PKIA: variants seen among roughly 807,000 people sequenced by gnomAD.
The protein encoded by PKIA is PKI-alpha.
Under a neutral mutation model 7.6 loss-of-function variants are expected in PKIA, and 4 were observed. The observed-to-expected ratio is 0.52, with a 90% CI of 0.26 to 1.20. The LOEUF is 1.20. PKIA is among the 50% of genes most tolerant of loss of function. The pLI is 0.13. For synonymous variants in PKIA, 21 were observed against 30.7 expected (o/e 0.68, Z 1.04); for missense variants, 73 against 86.2 (o/e 0.85, Z 0.61).
intron 1 of PKIA, among the ~76,000 whole-genome samples, chr8:78,518,856 A>C (rs1277378679): frequency 1.3e-5 from 2 of 152,208 alleles, no homozygotes; most frequent in African/African-American, 4.8e-5. Context: ...ACAACTGAGG[A>C]AGATAATCAA....
chr8:78,599,465 T>A (rs1029960128), intron 3 of PKIA, among the ~76,000 whole-genome samples: 13 of 152,094 alleles, frequency 8.5e-5, no homozygotes, highest in African/African-American at 3.1e-4. Context: ...ATATATAGAT[T>A]AATGAAATGG....
chr8:78,592,781 G>A (rs1808132595), intron 2 of PKIA, among the ~76,000 whole-genome samples: 1 of 152,048 alleles, frequency 6.6e-6, no homozygotes, highest in Non-Finnish European at 1.5e-5. Context: ...CCTTCTCATG[G>A]AAAATGTTAC....
chr8:78,558,516 A>C (rs941717202), intron 1 of PKIA: 2 of 155,826 alleles, frequency 1.3e-5, no homozygotes, highest in African/African-American at 4.8e-5. Flanking sequence ...GGAAGAAGCA[A>C]AAGCGGAAAC....
intron 2 of PKIA, among the ~76,000 whole-genome samples, chr8:78,589,370 C>T (rs1171266063): frequency 6.6e-6 from 1 of 152,128 alleles, no homozygotes. Context: ...TGAGGTCACT[C>T]GTTGCCCAAT....
At chr8:78,526,618 T>C (rs1289566580) in intron 1 of PKIA, among the ~76,000 whole-genome samples, 1 of 152,072 alleles carries the variant, frequency 6.6e-6, no homozygotes, top group East Asian at 1.9e-4. Flanking sequence ...ACTAACTCCA[T>C]TGTAGGTCAT....
intron 3 of PKIA, among the ~76,000 whole-genome samples, chr8:78,599,592 A>G (rs1356576336): frequency 6.6e-6 from 1 of 152,066 alleles, no homozygotes; most frequent in Non-Finnish European, 1.5e-5. Context: ...TAACATCACC[A>G]CTTTGGAATA....
chr8:78,565,645 T>G (rs759535067), intron 1 of PKIA, among the ~76,000 whole-genome samples: 4 of 151,944 alleles, frequency 2.6e-5, no homozygotes, highest in African/African-American at 7.2e-5. Context: ...GAAGTTTCTC[T>G]CTCCCTCTTT....
intron 1 of PKIA, among the ~76,000 whole-genome samples, chr8:78,524,241 T>A (rs1335295481): frequency 4.8e-5 from 7 of 144,346 alleles, no homozygotes; most frequent in South Asian, 4.2e-4. Flanking sequence ...TATAAATATA[T>A]ATGTTTTTAT....
intron 1 of PKIA, among the ~76,000 whole-genome samples, chr8:78,562,926 A>G (rs1585901762): frequency 6.6e-6 from 1 of 152,326 alleles, no homozygotes; most frequent in Middle Eastern, 3.4e-3. Context: ...GAATGAAAAA[A>G]AAATGAGAGA....
In PKIA at chr8:78,540,333, A is replaced by T. The variant is rs111853688; in HGVS notation, c.-157+23865A>T. ...TCTTCTCAAAAGAGATATTGTATAG[A>T]TAGTCCCTCAAATAGACATAAATAT... On this transcript the variant is annotated intron_variant, in intron 1 of 3. Transcript: ENST00000396418. 8.8e-4 allele frequency among the ~76,000 whole-genome samples: 134 copies of T among 152,188 alleles called. 2 individuals are homozygous for T. The highest frequency in any genetic ancestry group is 3.0e-3 in the African/African-American group (124 of 41,548).
intron 1 of PKIA, among the ~76,000 whole-genome samples, chr8:78,518,650 T>G (rs1050996210): frequency 6.6e-6 from 1 of 152,172 alleles, no homozygotes; most frequent in African/African-American, 2.4e-5. Flanking sequence ...GAAGTGTCTA[T>G]CATTTAGTTT....
chr8:78,594,692 A>G (rs1199890811), intron 2 of PKIA, among the ~76,000 whole-genome samples: 2 of 152,194 alleles, frequency 1.3e-5, no homozygotes, highest in African/African-American at 4.8e-5. Flanking sequence ...GGGGAAATAT[A>G]TTCTCCAACA....
intron 1 of PKIA, among the ~76,000 whole-genome samples, chr8:78,549,750 A>G (rs1221361542): frequency 6.6e-6 from 1 of 151,618 alleles, no homozygotes; most frequent in Non-Finnish European, 1.5e-5. Context: ...AAAAGTAAGA[A>G]TAAAGCTATT....
intron 2 of PKIA, among the ~76,000 whole-genome samples, chr8:78,578,320 AT>A (rs1489564405): frequency 1.3e-4 from 20 of 152,076 alleles, no homozygotes; most frequent in Admixed American, 2.0e-4. Flanking sequence ...AGACTCAAAT[AT>A]TTTCCCCTGA....
chr8:78,601,709 T>C (rs760609806), intron 3 of PKIA, 33 bp from the exon 4 acceptor site: 7 of 1,512,224 alleles, frequency 4.6e-6, no homozygotes, highest in Non-Finnish European at 5.5e-6. Flanking sequence ...ATTTTTATTT[T>C]GCCTTTATTC....
At chr8:78,518,067 G>A (rs966602543) in intron 1 of PKIA, among the ~76,000 whole-genome samples, 6 of 152,100 alleles carry the variant, frequency 3.9e-5, no homozygotes, top group Non-Finnish European at 5.9e-5. Context: ...ATGGAAAATC[G>A]TGTTAATCAT....
intron 1 of PKIA, among the ~76,000 whole-genome samples, chr8:78,556,276 C>T (rs1390178645): frequency 1.3e-5 from 2 of 151,994 alleles, no homozygotes. Flanking sequence ...TCAGATCATT[C>T]TTGTTACGAT....
At chr8:78,594,872 C>T (rs892281224) in intron 2 of PKIA, among the ~76,000 whole-genome samples, 2 of 152,118 alleles carry the variant, frequency 1.3e-5, no homozygotes, top group Admixed American at 1.3e-4. Flanking sequence ...TAACAGATGT[C>T]CCGTATCTTC....
At chr8:78,549,726 C>CAAAAAAAAA (rs10708020) in intron 1 of PKIA, among the ~76,000 whole-genome samples, 1 of 123,220 alleles carries the variant, frequency 8.1e-6, no homozygotes, top group Non-Finnish European at 1.8e-5. Flanking sequence ...ACTGAAATAC[C>CAAAAAAAAA]AAAAAAAAAA....
Sources: allele counts gnomAD v4.1 joint callset (sites outside exome capture counted in the v4.1 genomes callset), GRCh38; gene constraint gnomAD v4.1.1; transcripts MANE v1.5; gene names NCBI Gene and HGNC (gene_info 2026-07-23, HGNC 2026-07-21).